TNRC6B: variants seen among roughly 807,000 people sequenced by gnomAD.
TNRC6B encodes trinucleotide repeat containing adaptor 6B.
A neutral mutation model predicts 203.6 loss-of-function variants in TNRC6B; 52 were observed. That is an observed-to-expected ratio of 0.26 (90% CI 0.20 to 0.32). The LOEUF (loss-of-function observed/expected upper bound fraction) is 0.32, where lower values mean the gene tolerates loss of function less well. Among genes scored for constraint, TNRC6B ranks in the 10% least tolerant of loss-of-function variants. The pLI is 1.00. For missense variants in TNRC6B, 1,923 were observed against 2,286.2 expected, an observed-to-expected ratio of 0.84 and a Z score of 3.24; for synonymous variants, 838 against 845.7, an observed-to-expected ratio of 0.99 and a Z score of 0.16.
At chr22:40,214,521 G>C (rs906102860) in intron 1 of TNRC6B, among the ~76,000 whole-genome samples, 2 of 150,892 alleles carry the variant, frequency 1.3e-5, no homozygotes, top group African/African-American at 4.9e-5. Flanking sequence ...ATCTCTGTGT[G>C]GTATTCCTTG....
chr22:40,307,178 T>G (rs1042451498), intron 15 of TNRC6B, among the ~76,000 whole-genome samples: 1 of 152,128 alleles, frequency 6.6e-6, no homozygotes, highest in African/African-American at 2.4e-5. Flanking sequence ...CTTGATTTAT[T>G]ATGTGTTTAT....
At chr22:40,105,611 A>G (rs75359865) in intron 1 of TNRC6B, among the ~76,000 whole-genome samples, 3,903 of 152,220 alleles carry the variant, frequency 0.026, 152 homozygotes, top group African/African-American at 0.083. Flanking sequence ...CCATGTTGTT[A>G]CATGTGGCTG....
intron 1 of TNRC6B, among the ~76,000 whole-genome samples, chr22:40,057,901 AC>A (rs1294547039): frequency 6.6e-6 from 1 of 152,144 alleles, no homozygotes; most frequent in Non-Finnish European, 1.5e-5. Context: ...ATCTCTGTAG[AC>A]CTTCTAAATA....
chr22:40,086,959 T>C (rs1286097270), intron 1 of TNRC6B, among the ~76,000 whole-genome samples: 1 of 136,160 alleles, frequency 7.3e-6, no homozygotes, highest in African/African-American at 3.7e-5. Context: ...TTCTTAAGTC[T>C]TTTTTTTATC....
rs182075968 is a variant in TNRC6B at position 40,264,852 on chromosome 22, A to G, written c.622A>G (p.Thr208Ala). ...GTGGCCTTGTATTGCCAGCAAAGAC[A>G]CTGAATCTTCTTCCGAAAACACCAC... ...EEWPCIASKD[T>A]ESSSENTTDN... is the part of the protein sequence containing the mutation. Residue 208 changes from threonine to alanine, a missense_variant, in exon 5 of 23, where the codon ACT becomes GCT. Transcript: ENST00000454349. The G allele has an allele frequency of 4.2e-4, 676 of 1,613,954 alleles. 5 individuals are homozygous for G. In the African/African-American group the frequency reaches 5.3e-3, roughly 13 times the overall value.
In TNRC6B at chr22:40,181,236, A is replaced by C. The variant is rs187432867; in HGVS notation, c.5+3096A>C. ...AAGGCTTCTCCAGCTCTTCAGCTCT[A>C]CAAGAGACACTAGAAGAGTGTTATG... On this transcript the variant is annotated intron_variant, in intron 1 of 22. Transcript: ENST00000454349. Among the ~76,000 whole-genome samples the C allele has an allele frequency of 9.9e-5, 15 of 152,278 alleles. No individual in the cohort carries two copies. In the East Asian group the frequency reaches 1.9e-3, roughly 20 times the overall value.
In TNRC6B at chr22:40,266,769, C is replaced by T; in HGVS notation, c.2539C>T (p.Pro847Ser). The T allele has an allele frequency of 6.2e-7, 1 of 1,613,494 alleles. No homozygotes were observed. ...TTCGTGGGGAGGCCCACCCCCACCA[C>T]CTCCAGGCAACGTTCGACCTTCCAA... is the stretch of plus-strand genomic sequence containing the variant. ...SGSWGGPPPP[P>S]PGNVRPSNSS... is the part of the protein sequence containing the mutation. The change falls in exon 5 of 23, where the codon CCT (proline) becomes TCT (serine). Residue 847 changes from proline to serine, a missense_variant. Transcript: ENST00000454349.
chr22:40,048,707 G>A (rs1207680779), intron 1 of TNRC6B, among the ~76,000 whole-genome samples: 1 of 152,080 alleles, frequency 6.6e-6, no homozygotes, highest in Non-Finnish European at 1.5e-5. Context: ...TTCTGTGAAT[G>A]TTCACACATG....
At chr22:40,192,007 A>G (rs918838021) in intron 1 of TNRC6B, among the ~76,000 whole-genome samples, 7 of 152,020 alleles carry the variant, frequency 4.6e-5, no homozygotes, top group Non-Finnish European at 7.4e-5. Flanking sequence ...TGCCTTACAG[A>G]CGTGAGCCAC....
chr22:40,303,677 G>C lies in TNRC6B; in HGVS notation c.4120+2344G>C, dbSNP rs551699791. Among the ~76,000 whole-genome samples, 5 of 151,840 alleles carry C rather than the reference G, an allele frequency of 3.3e-5. No individual in the cohort carries two copies. The East Asian group carries it at 9.7e-4, about 30-fold the overall frequency. On this transcript the variant is annotated intron_variant, in intron 15 of 22. Coordinates refer to ENST00000454349, the MANE Select transcript of TNRC6B (RefSeq NM_001162501.2). ...CTGTAATCCCAGCACTTTGGGAGGC[G>C]GAGGAGGGCAGATCACTTGAGGTCA...
chr22:40,089,325 C>T (rs1039764037), intron 1 of TNRC6B, among the ~76,000 whole-genome samples: 9 of 152,076 alleles, frequency 5.9e-5, no homozygotes, highest in East Asian at 3.9e-4. Flanking sequence ...CTCCGCCTCC[C>T]GTGTTCAAGC....
chr22:40,314,996 T>C (rs2146568925), intron 19 of TNRC6B, among the ~76,000 whole-genome samples: 1 of 152,350 alleles, frequency 6.6e-6, no homozygotes. Context: ...GTGTCCTCCT[T>C]TTCAAGTCAT....
At chr22:40,143,615 A>G (rs1322411534) in intron 3 of TNRC6B, among the ~76,000 whole-genome samples, 1 of 151,970 alleles carries the variant, frequency 6.6e-6, no homozygotes, top group Non-Finnish European at 1.5e-5. Context: ...TCACTGCCTC[A>G]GCCTCTGAGT....
In TNRC6B at chr22:40,323,071, A is replaced by G. The variant is rs1188480217; in HGVS notation, c.5332A>G (p.Ser1778Gly). Residue 1778 changes from serine to glycine, a missense_variant, in exon 23 of 23, where the codon AGC becomes GGC. Ser to Gly is a moderately conservative substitution (Grantham distance 56). This residue lies in a region of TNRC6B where 126 missense variants were observed against 137.5 expected (regional missense o/e 0.92). Coordinates refer to ENST00000454349, the MANE Select transcript of TNRC6B (RefSeq NM_001162501.2). ...GSTGLGQWSSSAGGSSGADLA... is the reference protein window; with the variant it reads ...GSTGLGQWSSGAGGSSGADLA... ...CACTGGGCTCGGGCAGTGGAGCAGC[A>G]GCGCTGGTGGCAGCAGCGGGGCCGA... is the stretch of plus-strand genomic sequence containing the variant. The G allele has an allele frequency of 1.2e-6, 2 of 1,604,358 alleles. No homozygotes were observed. Among genetic ancestry groups the G allele is most frequent in the Non-Finnish European group, 1.7e-6 (2 of 1,175,050 alleles).
Position 40,265,662 on chromosome 22 carries a change from A to G in TNRC6B, c.1432A>G (p.Arg478Gly). The change falls in exon 5 of 23, where the codon AGG becomes GGG. Residue 478 changes from arginine (R) to glycine (G), a missense_variant. Around this residue, in one of 8 missense-constraint regions of TNRC6B, gnomAD observed 614 missense variants for 587.7 expected, o/e 1.04. Transcript: ENST00000454349. ...SKNDSWDNNNRSTGGSWNFGP... is the reference protein window; with the variant it reads ...SKNDSWDNNNGSTGGSWNFGP... ...AAATGACTCTTGGGACAACAATAAC[A>G]GGTCTACGGGTGGGTCCTGGAACTT... 1.9e-6 allele frequency: 3 copies of G among 1,613,946 alleles called. No individual in the cohort carries two copies. The highest frequency in any genetic ancestry group is 2.5e-6 in the Non-Finnish European group (3 of 1,179,858).
At chr22:40,197,751 C>T (rs1158695004) in intron 1 of TNRC6B, among the ~76,000 whole-genome samples, 2 of 151,644 alleles carry the variant, frequency 1.3e-5, no homozygotes, top group African/African-American at 4.8e-5. Flanking sequence ...GGACTACAGG[C>T]ATGAGCCACC....
intron 1 of TNRC6B, among the ~76,000 whole-genome samples, chr22:40,058,428 ATGTGACACAATGTGCTTTAGCACAT>A (rs980474361): frequency 1.7e-5 from 2 of 115,554 alleles, no homozygotes; most frequent in Non-Finnish European, 3.3e-5. Context: ...CTTTAGCACA[ATGTGACACAATGTGCTTTAGCACAT>A]TGTGGCGCCA....
chr22:40,175,805 C>G (rs1032648275), upstream of TNRC6B, among the ~76,000 whole-genome samples: 1 of 152,240 alleles, frequency 6.6e-6, no homozygotes, highest in African/African-American at 2.4e-5. Flanking sequence ...TAAGCCACAG[C>G]TATTCAGGCT....
chr22:40,069,556 C>T (rs1045227842), intron 1 of TNRC6B, among the ~76,000 whole-genome samples: 13 of 149,074 alleles, frequency 8.7e-5, no homozygotes, highest in Middle Eastern at 7.0e-3. Context: ...GGCGTGATCT[C>T]GGCTCACCGC....
Sources: gnomAD v4.1 joint callset for allele counts (sites outside exome capture counted in the v4.1 genomes callset) on GRCh38, gnomAD v4.1.1 for gene constraint, gnomAD v4.1.1 regional missense constraint, MANE v1.5 for transcripts, NCBI Gene and HGNC (gene_info 2026-07-23, HGNC 2026-07-21) for gene names.